ZFP90: variants seen among roughly 807,000 people sequenced by gnomAD.
The protein encoded by ZFP90 is zinc finger protein 90 homolog.
In ZFP90, 38 loss-of-function variants were observed where a neutral mutation model predicts 60.8. The observed-to-expected ratio is 0.62, with a 90% confidence interval of 0.48 to 0.82. ZFP90 has a LOEUF of 0.82. Among genes scored for constraint, ZFP90 ranks in the 40% least tolerant of loss-of-function variants. The pLI is 0.00. For missense variants in ZFP90, 711 were observed against 759.1 expected (o/e 0.94, Z 0.74); for synonymous variants, 287 against 264.8 (o/e 1.08, Z -0.82).
At chr16:68,544,499 T>A (rs1444297179) in intron 2 of ZFP90, among the ~76,000 whole-genome samples, 2 of 152,124 alleles carry the variant, frequency 1.3e-5, no homozygotes, top group Admixed American at 1.3e-4. Flanking sequence ...TCTCTTCATG[T>A]TAGAGAAGAG....
In ZFP90 at chr16:68,539,462, C is replaced by A; in HGVS notation, c.-53C>A. 5.0e-6 allele frequency: 2 copies of A among 396,510 alleles called. No individual in the cohort carries two copies. The highest frequency in any genetic ancestry group is 7.3e-5 in the South Asian group (1 of 13,708). 24.6% of individuals were successfully genotyped at this position (396,510 alleles called of 1,614,324 possible). On this transcript the variant is annotated 5_prime_UTR_variant, in exon 1 of 5. Transcript: ENST00000563169. ...GGAGGTCGCGAAATCCGGAGCCCCC[C>A]AGAGGCGGTGATTCTGAGTGCGCGG...
At chr16:68,539,650 G>A (rs1026768149) in intron 1 of ZFP90, 108 bp from the exon 2 acceptor site, 3 of 865,312 alleles carry the variant, frequency 3.5e-6, no homozygotes, top group African/African-American at 4.1e-5. Flanking sequence ...CACGGTCCTC[G>A]CCACCATCTC....
chr16:68,538,709 A>AAG (rs1395369470), upstream of ZFP90, among the ~76,000 whole-genome samples: 2 of 151,710 alleles, frequency 1.3e-5, no homozygotes, highest in African/African-American at 2.4e-5. Context: ...TGTGTCTCAA[A>AAG]AAAAAAAAAG....
chr16:68,547,942 C>G (rs2091180875), intron 2 of ZFP90, among the ~76,000 whole-genome samples: 1 of 151,774 alleles, frequency 6.6e-6, no homozygotes, highest in East Asian at 1.9e-4. Context: ...ATTCTCCTGC[C>G]TCAGTCTTCC....
At chr16:68,573,835 C>G (rs539469899) in intron 2 of ZFP90, 3 of 152,294 alleles carry the variant, frequency 2.0e-5, no homozygotes, top group Non-Finnish European at 4.4e-5. Flanking sequence ...CAGCTAGGGA[C>G]TACGTTCCCC....
Position 68,573,557 on chromosome 16 carries a change from C to T in ZFP90, c.224-2234C>T, listed in dbSNP as rs141154312. Among the ~76,000 whole-genome samples the T allele has an allele frequency of 6.8e-3, 1,041 of 152,288 alleles. 4 individuals carry two copies. Among genetic ancestry groups the T allele is most frequent in the Middle Eastern group, 0.017 (5 of 294 alleles). On this transcript the variant is annotated intron_variant, in intron 2 of 2. Transcript: ENST00000573113. ...AAGTAAGCAGAAAATTGTATTTGCTCAGGTTAAGGGATCCTAACATGGGAT... is the reference window on the plus strand; with the variant it reads ...AAGTAAGCAGAAAATTGTATTTGCTTAGGTTAAGGGATCCTAACATGGGAT...
At chr16:68,558,626 AG>A in intron 4 of ZFP90, 58 bp downstream of exon 4, 1 of 1,486,896 alleles carries the variant, frequency 6.7e-7, no homozygotes, top group Non-Finnish European at 9.3e-7. Flanking sequence ...CAACTTAGGG[AG>A]GGGGAGATAC....
rs930745653 is a variant in ZFP90 at position 68,564,464 on chromosome 16, G to C, written c.1677G>C (p.Gly559=). The C allele has an allele frequency of 6.2e-7, 1 of 1,614,026 alleles. No individual in the cohort carries two copies. Among genetic ancestry groups the C allele is most frequent in the Non-Finnish European group, 8.5e-7 (1 of 1,179,982 alleles). ...AACCCTATGAATGTATTGACTGTGG[G>C]AAAGCCTTTAGTCAAAGTTCATCTC... ...GEKPYECIDC[G]KAFSQSSSLI... The change falls in exon 5 of 5, where the codon GGG becomes GGC. Residue 559 remains glycine, a synonymous_variant. Transcript: ENST00000563169.
chr16:68,550,957 T>C (rs2091249237), intron 2 of ZFP90, among the ~76,000 whole-genome samples: 2 of 152,234 alleles, frequency 1.3e-5, no homozygotes, highest in African/African-American at 2.4e-5. Context: ...GGAATCTGTG[T>C]GTGTGCAAAG....
chr16:68,548,596 T>G (rs1286510575), intron 2 of ZFP90, among the ~76,000 whole-genome samples: 2 of 149,882 alleles, frequency 1.3e-5, no homozygotes, highest in Non-Finnish European at 3.0e-5. Context: ...GTTCAAGCAA[T>G]TCTCCTGCCT....
Position 68,565,637 on chromosome 16 carries a change from T to C in ZFP90, c.*939T>C. On this transcript the variant is annotated 3_prime_UTR_variant, in exon 5 of 5. Transcript: ENST00000563169. ...TATTGTACTTTTTATGGCATGCCCA[T>C]GAAAAAGCACTTTCTTAAGCCTACA... The C allele has an allele frequency of 1.0e-6, 1 of 985,516 alleles. No homozygotes were observed. The allele number at this position is 985,516 out of a possible 1,614,324, so 61.0% of individuals were successfully genotyped here. A position where few individuals can be genotyped will look rare whatever the true frequency, so the allele number is the denominator to read the frequency against.
At chr16:68,560,537 T>TTGATTTTG (rs149308667) in intron 4 of ZFP90, among the ~76,000 whole-genome samples, 69 of 147,226 alleles carry the variant, frequency 4.7e-4, no homozygotes, top group African/African-American at 1.7e-3. Flanking sequence ...CCACACTGGA[T>TTGATTTTG]TTTATTTATT....
chr16:68,575,773 C>G, intron 2 of ZFP90: 1 of 398,300 alleles, frequency 2.5e-6, no homozygotes, highest in Non-Finnish European at 4.4e-6. Context: ...CAGTGGGGAC[C>G]TGTTCCTGTC....
chr16:68,558,159 A>G (rs373546492), intron 3 of ZFP90, 35 bp downstream of exon 3: 2 of 1,608,146 alleles, frequency 1.2e-6, no homozygotes. Flanking sequence ...TTTCCTGCTG[A>G]TGGGCCTTTC....
intron 2 of ZFP90, among the ~76,000 whole-genome samples, chr16:68,555,693 C>T (rs140081284): frequency 6.6e-6 from 1 of 152,194 alleles, no homozygotes; most frequent in East Asian, 1.9e-4. Flanking sequence ...GGTAGGTGTG[C>T]AGAGTGGTTT....
At chr16:68,539,547 G>A (rs958582539) in intron 1 of ZFP90, 68 bp downstream of exon 1, 1 of 503,340 alleles carries the variant, frequency 2.0e-6, no homozygotes, top group Non-Finnish European at 3.5e-6. Context: ...CCACCACCCT[G>A]CGAAGGGGAC....
chr16:68,555,804 G>A (rs2091334114), intron 2 of ZFP90, among the ~76,000 whole-genome samples: 2 of 152,216 alleles, frequency 1.3e-5, no homozygotes, highest in South Asian at 2.1e-4. Context: ...ATTAGCTAAG[G>A]GAAATGGGAG....
intron 2 of ZFP90, among the ~76,000 whole-genome samples, chr16:68,540,636 T>C (rs1450600798): frequency 6.6e-6 from 1 of 152,006 alleles, no homozygotes; most frequent in Non-Finnish European, 1.5e-5. Context: ...AATGACAGAT[T>C]GTAGTTGCTA....
intron 2 of ZFP90, among the ~76,000 whole-genome samples, chr16:68,556,804 G>A (rs2091351518): frequency 6.6e-6 from 1 of 152,178 alleles, no homozygotes; most frequent in Non-Finnish European, 1.5e-5. Flanking sequence ...GGATAGTGGA[G>A]GTGCTAAGAC....
Sources: gnomAD v4.1 joint callset for allele counts (sites outside exome capture counted in the v4.1 genomes callset) on GRCh38, gnomAD v4.1.1 for gene constraint, MANE v1.5 for transcripts, NCBI Gene and HGNC (gene_info 2026-07-23, HGNC 2026-07-21) for gene names.